Variants in INPP4B observed in about 807,000 individuals in gnomAD.
INPP4B encodes the protein inositol polyphosphate-4-phosphatase type II B, also known as inositol polyphosphate 4-phosphatase type II.
Under a neutral mutation model 122.5 loss-of-function variants are expected in INPP4B, and 55 were observed. The observed-to-expected ratio is 0.45, with a 90% CI of 0.36 to 0.56. The LOEUF (loss-of-function observed/expected upper bound fraction) is 0.56, where lower values mean the gene tolerates loss of function less well. Ranked by LOEUF, INPP4B falls within the 20% of genes least tolerant of loss-of-function variation. The probability of loss-of-function intolerance (pLI) is 0.00; values close to 1 mark genes in which losing one functional copy is unlikely to be tolerated. For missense variants in INPP4B, 1,000 were observed against 1,097.7 expected (o/e 0.91, Z 1.26); for synonymous variants, 403 against 388.7 (o/e 1.04, Z -0.43).
In INPP4B at chr4:142,431,289, A is replaced by G; in HGVS notation, c.-30T>C. ...AACCTTCACAGTTTTAAAATTTTCC[A>G]AATTTTCTTGTCCAAATGTCAGTTC... On this transcript the variant is annotated 5_prime_UTR_variant, in exon 4 of 26. Coordinates refer to ENST00000262992, the MANE Select transcript of INPP4B (RefSeq NM_001101669.3). The G allele has an allele frequency of 6.4e-7, 1 of 1,564,826 alleles. No homozygotes were observed. Among genetic ancestry groups the G allele is most frequent in the Non-Finnish European group, 8.8e-7 (1 of 1,136,086 alleles).
At chr4:142,403,204 T>C (rs1029759761) in intron 6 of INPP4B, 150 bp from the exon 7 acceptor site, 6 of 624,214 alleles carry the variant, frequency 9.6e-6, no homozygotes, top group Non-Finnish European at 1.7e-5. Context: ...TGTCAAATCC[T>C]GCTCTTGGGC....
At chr4:142,801,699 A>C (rs1229806803) in intron 1 of INPP4B, among the ~76,000 whole-genome samples, 2 of 152,224 alleles carry the variant, frequency 1.3e-5, no homozygotes, top group Non-Finnish European at 2.9e-5. Context: ...CAAAAATCTT[A>C]AAATTCAGTG....
chr4:142,157,648 T>C (rs1039213936), intron 17 of INPP4B, among the ~76,000 whole-genome samples: 2 of 152,076 alleles, frequency 1.3e-5, no homozygotes, highest in African/African-American at 4.8e-5. Context: ...TTTCATCAAC[T>C]GGAGAAAAGA....
At chr4:142,263,756 C>T (rs1294596085) in intron 10 of INPP4B, among the ~76,000 whole-genome samples, 1 of 144,848 alleles carries the variant, frequency 6.9e-6, no homozygotes, top group Non-Finnish European at 1.5e-5. Context: ...GTAGACACTG[C>T]AATCTTAGAT....
intron 25 of INPP4B, chr4:142,030,209 G>A (rs889978457): frequency 1.0e-5 from 16 of 1,535,454 alleles, no homozygotes; most frequent in Admixed American, 2.0e-5. Flanking sequence ...GCAGCAAGGC[G>A]ACAGGATAGA....
intron 12 of INPP4B, among the ~76,000 whole-genome samples, chr4:142,233,550 G>T (rs1277192466): frequency 6.6e-6 from 1 of 152,002 alleles, no homozygotes; most frequent in Admixed American, 6.6e-5. Context: ...TGGTACTAAA[G>T]CACCTGTCAT....
At chr4:142,116,599 G>A (rs1165101665) in intron 21 of INPP4B, among the ~76,000 whole-genome samples, 1 of 152,124 alleles carries the variant, frequency 6.6e-6, no homozygotes, top group Non-Finnish European at 1.5e-5. Flanking sequence ...AAATAAAGAT[G>A]TTCTTTGAAA....
intron 7 of INPP4B, among the ~76,000 whole-genome samples, chr4:142,315,772 C>T (rs1469685123): frequency 6.6e-6 from 1 of 151,360 alleles, no homozygotes; most frequent in East Asian, 1.9e-4. Context: ...AATATACAAG[C>T]ACATCCTGTC....
chr4:142,114,183 A>T (rs1342986794), intron 21 of INPP4B, among the ~76,000 whole-genome samples: 2 of 151,994 alleles, frequency 1.3e-5, no homozygotes, highest in African/African-American at 2.4e-5. Context: ...TATTGTATCG[A>T]TATCACTTTT....
chr4:142,249,813 C>T (rs1731049461), intron 11 of INPP4B, among the ~76,000 whole-genome samples: 1 of 152,160 alleles, frequency 6.6e-6, no homozygotes, highest in Non-Finnish European at 1.5e-5. Context: ...CAAGGTGCCT[C>T]AGTTAGTGTG....
chr4:142,635,996 A>T (rs1299925701), intron 2 of INPP4B, among the ~76,000 whole-genome samples: 1 of 152,180 alleles, frequency 6.6e-6, no homozygotes, highest in African/African-American at 2.4e-5. Flanking sequence ...AATTATAATA[A>T]TCCCCACATG....
chr4:142,420,496 C>T (rs1486786598), intron 5 of INPP4B, among the ~76,000 whole-genome samples: 4 of 152,126 alleles, frequency 2.6e-5, no homozygotes, highest in African/African-American at 7.2e-5. Context: ...AAAACCACTA[C>T]CCACCCGACA....
intron 2 of INPP4B, among the ~76,000 whole-genome samples, chr4:142,504,132 A>G (rs1823718289): frequency 6.6e-6 from 1 of 152,112 alleles, no homozygotes; most frequent in Admixed American, 6.5e-5. Flanking sequence ...ATATTTGCCA[A>G]GCAAATGGTA....
In INPP4B at chr4:142,380,919, T is replaced by C. The variant is rs149737105; in HGVS notation, c.372+22019A>G. 7.9e-3 allele frequency among the ~76,000 whole-genome samples: 1,206 copies of C among 152,328 alleles called. 12 individuals carry two copies. Among genetic ancestry groups the C allele is most frequent in the African/African-American group, 0.026 (1,092 of 41,582 alleles). On this transcript the variant is annotated intron_variant, in intron 7 of 25. Transcript: ENST00000262992. Reference sequence around the variant, plus strand: ...TTTGTGGTTCTTCGAAGTCTGCTTTTAGAGCTCCAATTTATTACATCCTTC... The same window carrying C: ...TTTGTGGTTCTTCGAAGTCTGCTTTCAGAGCTCCAATTTATTACATCCTTC...
intron 2 of INPP4B, among the ~76,000 whole-genome samples, chr4:142,528,958 A>C (rs1827263751): frequency 6.6e-6 from 1 of 152,138 alleles, no homozygotes; most frequent in South Asian, 2.1e-4. Context: ...GAATATTAGA[A>C]TTTTGGAAAA....
chr4:142,059,670 T>C (rs973519102), intron 25 of INPP4B, among the ~76,000 whole-genome samples: 2 of 152,120 alleles, frequency 1.3e-5, no homozygotes, highest in African/African-American at 4.8e-5. Flanking sequence ...TAAAATAACA[T>C]ATTTTTGGAA....
chr4:142,075,223 G>C (rs1007642172), intron 25 of INPP4B, among the ~76,000 whole-genome samples: 2 of 151,840 alleles, frequency 1.3e-5, no homozygotes, highest in Non-Finnish European at 2.9e-5. Flanking sequence ...TGAAAATGAC[G>C]ACCACATATT....
chr4:142,547,531 T>C (rs1829776426), intron 2 of INPP4B, among the ~76,000 whole-genome samples: 1 of 152,138 alleles, frequency 6.6e-6, no homozygotes, highest in African/African-American at 2.4e-5. Context: ...CTTCACCTTG[T>C]GGATCACTAG....
intron 5 of INPP4B, among the ~76,000 whole-genome samples, chr4:142,418,074 T>C (rs1806140235): frequency 6.6e-6 from 1 of 152,114 alleles, no homozygotes; most frequent in Admixed American, 6.6e-5. Context: ...AGATACGCAG[T>C]CTAATTATAG....
Sources: allele counts gnomAD v4.1 joint callset (sites outside exome capture counted in the v4.1 genomes callset), GRCh38; gene constraint gnomAD v4.1.1; transcripts MANE v1.5; gene names NCBI Gene and HGNC (gene_info 2026-07-23, HGNC 2026-07-21).